The following PCDHA3 variants were observed in gnomAD, a reference collection of about 807,000 sequenced individuals.
PCDHA3 encodes the protein protocadherin alpha 3, also known as protocadherin alpha-3.
Under a neutral mutation model 62.2 loss-of-function variants are expected in PCDHA3, and 41 were observed. The observed-to-expected ratio is 0.66, with a 90% CI of 0.51 to 0.86. The LOEUF (loss-of-function observed/expected upper bound fraction) is 0.86, where lower values mean the gene tolerates loss of function less well. Among genes scored for constraint, PCDHA3 ranks in the 40% least tolerant of loss-of-function variants. The probability of loss-of-function intolerance (pLI) is 0.00; values close to 1 mark genes in which losing one functional copy is unlikely to be tolerated. For missense variants in PCDHA3, 1,304 were observed against 1,241.2 expected (o/e 1.05, Z -0.76); for synonymous variants, 640 against 555.4 (o/e 1.15, Z -2.14).
At chr5:140,836,689 T>C in intron 1 of PCDHA3, 1 of 1,613,456 alleles carries the variant, frequency 6.2e-7, no homozygotes. Flanking sequence ...AAGACAGACC[T>C]CATGGCCTTC....
At chr5:140,893,818 G>A (rs184696543) in intron 1 of PCDHA3, among the ~76,000 whole-genome samples, 14 of 152,114 alleles carry the variant, frequency 9.2e-5, no homozygotes, top group Admixed American at 3.3e-4. Context: ...GTCTGGTACC[G>A]TAGACTACTC....
At position 140,822,486 on chromosome 5, in the gene PCDHA3, C is replaced by T. The variant is rs2150116729; in HGVS notation, c.2394+18895C>T. 1.7e-5 allele frequency: 27 copies of T among 1,613,690 alleles called. No individual in the cohort carries two copies. In the African/African-American group the frequency reaches 3.1e-4, roughly 18 times the overall value. ...TCAATGTATTGGATGCTAATGATAA[C>T]GCCCCAGAATTTGATAAATCCATTT... On this transcript the variant is annotated intron_variant, in intron 1 of 3. Coordinates refer to ENST00000522353, the MANE Select transcript of PCDHA3 (RefSeq NM_018906.3).
intron 3 of PCDHA3, among the ~76,000 whole-genome samples, chr5:141,004,852 GA>G (rs1474938614): frequency 6.6e-6 from 1 of 152,202 alleles, no homozygotes; most frequent in African/African-American, 2.4e-5. Flanking sequence ...TAGTCTCAGA[GA>G]AAAAATTTGT....
intron 3 of PCDHA3, among the ~76,000 whole-genome samples, chr5:141,007,395 CAAA>C (rs35800918): frequency 0.057 from 5,421 of 94,854 alleles, 127 homozygotes; most frequent in South Asian, 0.13. Context: ...TACTAAAATA[CAAA>C]AAAAAAAAAA....
chr5:140,968,203 G>A, intron 1 of PCDHA3: 5 of 1,614,018 alleles, frequency 3.1e-6, no homozygotes, highest in Non-Finnish European at 4.2e-6. Context: ...TCTACATACA[G>A]GAGAACAATT....
intron 1 of PCDHA3, chr5:140,809,328 C>G (rs1419045044): frequency 5.0e-6 from 8 of 1,613,988 alleles, no homozygotes; most frequent in Admixed American, 1.7e-5. Context: ...TTGGTGCTCA[C>G]GCTGCTGCTG....
At chr5:140,883,619 A>T (rs1554178937) in intron 1 of PCDHA3, 2 of 1,613,984 alleles carry the variant, frequency 1.2e-6, no homozygotes, top group Admixed American at 3.3e-5. Context: ...CGTGAACGAC[A>T]ACGCGCCGGC....
At chr5:140,926,165 T>A (rs570168495) in intron 1 of PCDHA3, among the ~76,000 whole-genome samples, 31 of 151,794 alleles carry the variant, frequency 2.0e-4, no homozygotes, top group Admixed American at 1.5e-3. Flanking sequence ...TGCAGCAGGA[T>A]CCAGCGCGGA....
At chr5:141,007,716 G>A (rs887681362) in intron 3 of PCDHA3, among the ~76,000 whole-genome samples, 4 of 152,246 alleles carry the variant, frequency 2.6e-5, no homozygotes, top group African/African-American at 4.8e-5. Context: ...CCCACCACCA[G>A]GGAGAACAAA....
At chr5:140,853,861 T>C in intron 1 of PCDHA3, 1 of 984,790 alleles carries the variant, frequency 1.0e-6, no homozygotes, top group Non-Finnish European at 1.2e-6. Flanking sequence ...TATTTGATAC[T>C]TGACAGTGCA....
At position 140,883,293 on chromosome 5, in the gene PCDHA3, A is replaced by G. The variant is rs1324977852; in HGVS notation, c.2394+79702A>G. On this transcript the variant is annotated intron_variant, in intron 1 of 3. Coordinates refer to ENST00000522353, the MANE Select transcript of PCDHA3 (RefSeq NM_018906.3). ...TGTACCCTTTTGGTGGAAGTACTAGATGTAAATGATAACGCCCCAGAGGTT... is the reference window on the plus strand; with the variant it reads ...TGTACCCTTTTGGTGGAAGTACTAGGTGTAAATGATAACGCCCCAGAGGTT... 2 of 1,614,102 alleles carry G rather than the reference A, an allele frequency of 1.2e-6. No homozygotes were observed. Among genetic ancestry groups the G allele is most frequent in the Non-Finnish European group, 1.7e-6 (2 of 1,180,026 alleles).
rs1472769366 is a variant in PCDHA3, at chr5:140,928,640, T to C, written c.2395-50309T>C. On this transcript the variant is annotated intron_variant, in intron 1 of 3. Transcript: ENST00000522353. ...AGGACTGGACACTTGGTCACAAAAG[T>C]GGTAGCAGAGGATGCTGACAGTGGT... The C allele has an allele frequency of 1.2e-6, 2 of 1,614,096 alleles. No individual in the cohort carries two copies. Among genetic ancestry groups the C allele is most frequent in the African/African-American group, 2.7e-5 (2 of 74,930 alleles).
intron 3 of PCDHA3, among the ~76,000 whole-genome samples, chr5:140,991,146 G>A (rs2097434554): frequency 6.6e-6 from 1 of 151,978 alleles, no homozygotes; most frequent in African/African-American, 2.4e-5. Context: ...AATGTTTTTT[G>A]CTCACCATTG....
intron 1 of PCDHA3, chr5:140,876,441 T>C (rs1582281358): frequency 6.2e-7 from 1 of 1,613,992 alleles, no homozygotes; most frequent in East Asian, 2.2e-5. Flanking sequence ...TTAACGCCAT[T>C]GATAAAGGGA....
rs2150125758 is a variant in PCDHA3 at position 140,823,426 on chromosome 5, C to A, written c.2394+19835C>A. 13 of 1,613,328 alleles carry A rather than the reference C, an allele frequency of 8.1e-6. No individual in the cohort carries two copies. The East Asian group carries it at 8.9e-5, about 11-fold the overall frequency. On this transcript the variant is annotated intron_variant, in intron 1 of 3. Coordinates refer to ENST00000522353, the MANE Select transcript of PCDHA3 (RefSeq NM_018906.3). Reference sequence around the variant, plus strand: ...GCCTCTGGGCAGCAACGTGACGCTGCAGGTGTTCGTGCTGGACGAGAACGA... The same window carrying A: ...GCCTCTGGGCAGCAACGTGACGCTGAAGGTGTTCGTGCTGGACGAGAACGA...
At chr5:140,981,019 T>A (rs1396794400) in intron 2 of PCDHA3, among the ~76,000 whole-genome samples, 1 of 152,242 alleles carries the variant, frequency 6.6e-6, no homozygotes, top group East Asian at 1.9e-4. Context: ...ACTTGAAGGC[T>A]GTTAATATTT....
chr5:140,967,800 TGGCA>T, intron 1 of PCDHA3: 1 of 1,614,174 alleles, frequency 6.2e-7, no homozygotes, highest in Non-Finnish European at 8.5e-7. Context: ...CCAGTGCCCA[TGGCA>T]GGTCACTGCA....
intron 1 of PCDHA3, chr5:140,809,610 G>A (rs1183519714): frequency 1.3e-6 from 2 of 1,519,732 alleles, no homozygotes; most frequent in African/African-American, 1.4e-5. Context: ...TTTTCGTATT[G>A]TTTTTCTCTA....
In PCDHA3 at chr5:140,945,883, GAA is replaced by G. The variant is rs2093856247; in HGVS notation, c.2395-33063_2395-33062del. On this transcript the variant is annotated intron_variant, in intron 1 of 3. Transcript: ENST00000522353. ...GACCTGAAATTGTAAAACTAACAAA[GAA>G]AACACAGTGGGAAAGATGAAAGATC... Among the ~76,000 whole-genome samples the G allele has an allele frequency of 2.6e-5, 4 of 152,104 alleles. No homozygotes were observed. The South Asian group carries it at 8.3e-4, about 32-fold the overall frequency.
Sources: allele counts gnomAD v4.1 joint callset (sites outside exome capture counted in the v4.1 genomes callset), GRCh38; gene constraint gnomAD v4.1.1; transcripts MANE v1.5; gene names NCBI Gene and HGNC (gene_info 2026-07-23, HGNC 2026-07-21).